STX8: variants seen among roughly 807,000 people sequenced by gnomAD.
STX8 encodes the protein syntaxin 8.
A neutral mutation model predicts 37.5 loss-of-function variants in STX8; 23 were observed. The observed-to-expected ratio is 0.61, with a 90% CI of 0.44 to 0.87. The LOEUF is 0.87. Among genes scored for constraint, STX8 ranks in the 40% least tolerant of loss-of-function variants. The pLI, the probability that STX8 is intolerant of heterozygous loss-of-function variation, is 0.00. For missense variants in STX8, 313 were observed against 284.7 expected (o/e 1.10, Z -0.71); for synonymous variants, 115 against 99.1 (o/e 1.16, Z -0.95).
At chr17:9,432,255 CCAAA>C (rs1196938912) in intron 6 of STX8, among the ~76,000 whole-genome samples, 1 of 151,900 alleles carries the variant, frequency 6.6e-6, no homozygotes, top group Admixed American at 6.6e-5. Context: ...TTTCAGAATA[CCAAA>C]CAGAGTTAAT....
At chr17:9,510,646 A>G (rs1904994468) in intron 4 of STX8, among the ~76,000 whole-genome samples, 1 of 152,140 alleles carries the variant, frequency 6.6e-6, no homozygotes, top group Non-Finnish European at 1.5e-5. Context: ...GTGTATAACA[A>G]TAAATGCCTA....
At chr17:9,333,870 T>C (rs1057352473) in intron 7 of STX8, among the ~76,000 whole-genome samples, 13 of 152,274 alleles carry the variant, frequency 8.5e-5, no homozygotes, top group African/African-American at 2.9e-4. Flanking sequence ...GCCCAGTGGG[T>C]TCACCTTACC....
At chr17:9,416,576 C>T (rs1913205675) in intron 6 of STX8, among the ~76,000 whole-genome samples, 1 of 151,808 alleles carries the variant, frequency 6.6e-6, no homozygotes, top group Admixed American at 6.6e-5. Flanking sequence ...GCCATCTTGG[C>T]CAGGCTGGCC....
At chr17:9,509,077 T>C (rs967924967) in intron 4 of STX8, among the ~76,000 whole-genome samples, 5 of 152,076 alleles carry the variant, frequency 3.3e-5, no homozygotes, top group African/African-American at 1.2e-4. Context: ...TGAAACTCTG[T>C]CTCTACTAAA....
Position 9,535,683 on chromosome 17 carries a change from T to C in STX8, c.323+9489A>G, listed in dbSNP as rs201761243. Reference sequence around the variant, plus strand: ...TCCTGACCTCATGATCTGCCCGCCTTGGCCTCCCAAAGTGCTGGGATTACA... The same window carrying C: ...TCCTGACCTCATGATCTGCCCGCCTCGGCCTCCCAAAGTGCTGGGATTACA... On this transcript the variant is annotated intron_variant, in intron 4 of 7. Coordinates refer to ENST00000306357, the MANE Select transcript of STX8 (RefSeq NM_004853.3). 1.3e-3 allele frequency among the ~76,000 whole-genome samples: 199 copies of C among 152,028 alleles called. 2 individuals are homozygous for C. The highest frequency in any genetic ancestry group is 5.8e-3 in the East Asian group (30 of 5,138).
At chr17:9,460,973 C>CT (rs35282673) in intron 6 of STX8, among the ~76,000 whole-genome samples, 119,901 of 143,422 alleles carry the variant, frequency 0.84, 50,122 homozygotes, top group East Asian at 0.99. Flanking sequence ...GTCATCACTG[C>CT]TTTTTTTTTT....
At chr17:9,273,865 T>C (rs1370622626) in intron 7 of STX8, among the ~76,000 whole-genome samples, 3 of 152,156 alleles carry the variant, frequency 2.0e-5, no homozygotes, top group African/African-American at 7.2e-5. Context: ...AGCGGCTCTG[T>C]TGCTGTCTAG....
rs1904753768 is a variant in STX8 at position 9,444,042 on chromosome 17, C to T, written c.541+47787G>A. On this transcript the variant is annotated intron_variant, in intron 6 of 7. Transcript: ENST00000306357. ...TACCTATCCAGAACATACCATAGCA[C>T]TGTATCATACCTAGTTTGACACAAA... is the stretch of plus-strand genomic sequence containing the variant. 1.3e-5 allele frequency among the ~76,000 whole-genome samples: 2 copies of T among 152,238 alleles called. 1 individual carries two copies. The highest frequency in any genetic ancestry group is 4.1e-4 in the South Asian group (2 of 4,834).
intron 2 of STX8, among the ~76,000 whole-genome samples, chr17:9,566,368 A>C (rs1178637657): frequency 3.3e-5 from 5 of 152,236 alleles, no homozygotes; most frequent in African/African-American, 1.2e-4. Context: ...AGTGTAAATC[A>C]GTTCAGTCAT....
At chr17:9,322,961 T>C (rs1909630211) in intron 7 of STX8, among the ~76,000 whole-genome samples, 1 of 151,460 alleles carries the variant, frequency 6.6e-6, no homozygotes, top group Non-Finnish European at 1.5e-5. Flanking sequence ...ATATTTATGA[T>C]CCATTCTTTC....
intron 4 of STX8, among the ~76,000 whole-genome samples, chr17:9,536,237 G>A (rs1226236458): frequency 6.6e-6 from 1 of 152,134 alleles, no homozygotes; most frequent in Non-Finnish European, 1.5e-5. Context: ...TATGCTTGGA[G>A]TGTGGCTGGG....
chr17:9,374,429 T>C (rs1911517439), intron 7 of STX8, among the ~76,000 whole-genome samples: 1 of 152,140 alleles, frequency 6.6e-6, no homozygotes, highest in African/African-American at 2.4e-5. Context: ...CAAGAGTTGC[T>C]AGACCTACTC....
At chr17:9,277,096 T>C (rs1035404249) in intron 7 of STX8, among the ~76,000 whole-genome samples, 1 of 152,144 alleles carries the variant, frequency 6.6e-6, no homozygotes, top group Admixed American at 6.5e-5. Context: ...TACAGGTGCA[T>C]ACCACTGTGC....
At chr17:9,458,864 CTG>C (rs1905266188) in intron 6 of STX8, among the ~76,000 whole-genome samples, 2 of 146,480 alleles carry the variant, frequency 1.4e-5, no homozygotes, top group Non-Finnish European at 3.0e-5. Flanking sequence ...GAGTCTCACT[CTG>C]TTGCCCAGGC....
Position 9,417,648 on chromosome 17 carries a change from T to C in STX8, c.542-38995A>G, listed in dbSNP as rs543973682. 4.7e-4 allele frequency among the ~76,000 whole-genome samples: 72 copies of C among 152,306 alleles called. 1 individual carries two copies. In the Middle Eastern group the frequency reaches 0.017, roughly 36 times the overall value. ...CCCTAGATAGCTTCAGGATGGGGACTGGTCTCCAGAAGGAACCAACCATGT... is the reference window on the plus strand; with the variant it reads ...CCCTAGATAGCTTCAGGATGGGGACCGGTCTCCAGAAGGAACCAACCATGT... On this transcript the variant is annotated intron_variant, in intron 6 of 7. Coordinates refer to ENST00000306357, the MANE Select transcript of STX8 (RefSeq NM_004853.3).
At chr17:9,573,001 G>C (rs961490287) in intron 1 of STX8, among the ~76,000 whole-genome samples, 2 of 151,964 alleles carry the variant, frequency 1.3e-5, no homozygotes, top group African/African-American at 4.8e-5. Flanking sequence ...TAAACTGAGG[G>C]ATTTAGGTTC....
At chr17:9,490,654 C>A (rs1022442233) in intron 6 of STX8, among the ~76,000 whole-genome samples, 1 of 152,140 alleles carries the variant, frequency 6.6e-6, no homozygotes, top group Admixed American at 6.5e-5. Flanking sequence ...TGTGAGCCAC[C>A]GCACCCACCT....
chr17:9,297,389 C>T (rs1233548955), intron 7 of STX8, among the ~76,000 whole-genome samples: 1 of 152,162 alleles, frequency 6.6e-6, no homozygotes, highest in South Asian at 2.1e-4. Flanking sequence ...AATGATTCTT[C>T]ATCTACTTAA....
chr17:9,272,207 G>A (rs1278274764), intron 7 of STX8, among the ~76,000 whole-genome samples: 1 of 152,244 alleles, frequency 6.6e-6, no homozygotes, highest in African/African-American at 2.4e-5. Flanking sequence ...AGAATAGAGA[G>A]GGATTCAAAG....
Sources: gnomAD v4.1 joint callset for allele counts (sites outside exome capture counted in the v4.1 genomes callset) on GRCh38, gnomAD v4.1.1 for gene constraint, MANE v1.5 for transcripts, NCBI Gene and HGNC (gene_info 2026-07-23, HGNC 2026-07-21) for gene names.